HDAC9: variants seen among roughly 807,000 people sequenced by gnomAD.
HDAC9 encodes MEF-2 interacting transcription repressor (MITR) protein.
HDAC9 carries 41 observed loss-of-function variants against 139.4 expected under a neutral mutation model. That is an observed-to-expected ratio of 0.29 (90% CI 0.23 to 0.38). The LOEUF (loss-of-function observed/expected upper bound fraction) is 0.38, where lower values mean the gene tolerates loss of function less well. HDAC9 is among the 10% of genes least tolerant of loss of function. The pLI, the probability that HDAC9 is intolerant of heterozygous loss-of-function variation, is 1.00. For synonymous variants in HDAC9, 517 were observed against 476.2 expected, an observed-to-expected ratio of 1.09 and a Z score of -1.12; for missense variants, 1,147 against 1,297.0, an observed-to-expected ratio of 0.88 and a Z score of 1.78.
chr7:18,490,997 A>T (rs1796322714), upstream of HDAC9, among the ~76,000 whole-genome samples: 1 of 152,138 alleles, frequency 6.6e-6, no homozygotes, highest in South Asian at 2.1e-4. Flanking sequence ...TTGTTAATAC[A>T]TGAAAAGTCT....
At chr7:18,326,958 A>G (rs1201800947) in intron 1 of HDAC9, among the ~76,000 whole-genome samples, 2 of 151,854 alleles carry the variant, frequency 1.3e-5, no homozygotes, top group Non-Finnish European at 2.9e-5. Context: ...CATCATTATG[A>G]TTTTGGATGC....
intron 12 of HDAC9, among the ~76,000 whole-genome samples, chr7:18,727,154 G>C (rs1043103318): frequency 6.6e-6 from 1 of 152,224 alleles, no homozygotes; most frequent in Non-Finnish European, 1.5e-5. Flanking sequence ...AAATTCAGGA[G>C]AGAATTTTCA....
At chr7:18,895,273 A>G (rs61271785) in intron 22 of HDAC9, among the ~76,000 whole-genome samples, 3,052 of 152,274 alleles carry the variant, frequency 0.02, 127 homozygotes, top group African/African-American at 0.07. Flanking sequence ...GAGTTAGAGT[A>G]AAAGAGACAA....
chr7:18,462,074 G>T (rs1202936980), intron 1 of HDAC9, among the ~76,000 whole-genome samples: 1 of 151,588 alleles, frequency 6.6e-6, no homozygotes, highest in African/African-American at 2.4e-5. Flanking sequence ...CCTTTAAATA[G>T]TTATAAAACT....
At chr7:18,595,994 A>G (rs1832372452) in intron 6 of HDAC9, among the ~76,000 whole-genome samples, 1 of 152,070 alleles carries the variant, frequency 6.6e-6, no homozygotes, top group South Asian at 2.1e-4. Context: ...TATATGTTAC[A>G]AACCCTATTT....
At chr7:18,715,382 T>A (rs1784627212) in intron 12 of HDAC9, among the ~76,000 whole-genome samples, 1 of 152,186 alleles carries the variant, frequency 6.6e-6, no homozygotes, top group Admixed American at 6.5e-5. Context: ...AATTGGCTCC[T>A]AGTTCAATGA....
intron 21 of HDAC9, among the ~76,000 whole-genome samples, chr7:18,838,840 T>A (rs1796404361): frequency 6.6e-6 from 1 of 152,012 alleles, no homozygotes. Context: ...CCTGTGAAGC[T>A]ACATTTATAG....
intron 1 of HDAC9, among the ~76,000 whole-genome samples, chr7:18,150,387 G>A (rs933510231): frequency 1.3e-5 from 2 of 152,158 alleles, no homozygotes; most frequent in Non-Finnish European, 2.9e-5. Context: ...GTCTGAAACT[G>A]ATGTCCAGAG....
intron 1 of HDAC9, among the ~76,000 whole-genome samples, chr7:18,449,731 T>G (rs1175443886): frequency 2.0e-5 from 3 of 152,190 alleles, no homozygotes; most frequent in Admixed American, 1.3e-4. Context: ...ACTGAAAATT[T>G]TATTAAAGAT....
At chr7:18,407,862 C>G (rs1788161276) in intron 1 of HDAC9, among the ~76,000 whole-genome samples, 1 of 152,106 alleles carries the variant, frequency 6.6e-6, no homozygotes, top group Non-Finnish European at 1.5e-5. Context: ...AAATGTCTTT[C>G]AGTAGGTTAG....
chr7:18,177,041 A>G (rs777718173), intron 2 of HDAC9, among the ~76,000 whole-genome samples: 6 of 152,242 alleles, frequency 3.9e-5, no homozygotes, highest in Non-Finnish European at 7.3e-5. Context: ...ATGTCAAAGT[A>G]GACATTGTAT....
At chr7:18,443,077 C>G (rs1791938274) in intron 1 of HDAC9, among the ~76,000 whole-genome samples, 1 of 152,200 alleles carries the variant, frequency 6.6e-6, no homozygotes, top group Non-Finnish European at 1.5e-5. Flanking sequence ...ATAGTAGTCT[C>G]TGCCCTGATA....
intron 2 of HDAC9, among the ~76,000 whole-genome samples, chr7:18,211,070 A>T (rs1233465747): frequency 1.3e-5 from 2 of 152,230 alleles, no homozygotes; most frequent in Non-Finnish European, 2.9e-5. Flanking sequence ...ACTCAGAAGC[A>T]TGTGATTATA....
At chr7:18,869,736 A>C (rs1476272571) in intron 21 of HDAC9, among the ~76,000 whole-genome samples, 1 of 152,154 alleles carries the variant, frequency 6.6e-6, no homozygotes, top group Non-Finnish European at 1.5e-5. Flanking sequence ...TCTGTATTGA[A>C]GATTATTGTG....
intron 21 of HDAC9, among the ~76,000 whole-genome samples, chr7:18,869,147 G>GGGGTGTGT (rs869054896): frequency 4.3e-5 from 6 of 138,128 alleles, no homozygotes; most frequent in African/African-American, 1.7e-4. Context: ...TCACAATTGG[G>GGGGTGTGT]GTGTGTGTGT....
Position 18,156,853 on chromosome 7 carries a change from G to C in HDAC9, c.-96-5376G>C, listed in dbSNP as rs893639079. ...AAGAATTCAAGATACGGCTGGGTGT[G>C]GTGGCTCACACCTGTAATCCCAGCA... On this transcript the variant is annotated intron_variant, in intron 1 of 12. Coordinates refer to the HDAC9 transcript ENST00000417496. 2.0e-5 allele frequency among the ~76,000 whole-genome samples: 3 copies of C among 152,258 alleles called. No individual in the cohort carries two copies. The South Asian group carries it at 6.2e-4, about 32-fold the overall frequency.
At chr7:18,454,449 A>G (rs566683651) in intron 1 of HDAC9, among the ~76,000 whole-genome samples, 1 of 152,202 alleles carries the variant, frequency 6.6e-6, no homozygotes, top group South Asian at 2.1e-4. Context: ...ACTGTGGCTC[A>G]GAAAATTTAA....
intron 2 of HDAC9, among the ~76,000 whole-genome samples, chr7:18,582,411 G>A (rs2128787643): frequency 6.6e-6 from 1 of 152,132 alleles, no homozygotes; most frequent in African/African-American, 2.4e-5. Context: ...GATAAGGGCT[G>A]GAATTTTTGT....
At chr7:18,859,856 A>ATATATG (rs1554381815) in intron 21 of HDAC9, among the ~76,000 whole-genome samples, 36 of 117,254 alleles carry the variant, frequency 3.1e-4, no homozygotes, top group South Asian at 5.6e-4. Flanking sequence ...ATATATATAT[A>ATATATG]TATGTGAGAG....
Sources: allele counts gnomAD v4.1 joint callset (sites outside exome capture counted in the v4.1 genomes callset), GRCh38; gene constraint gnomAD v4.1.1; transcripts MANE v1.5; gene names NCBI Gene and HGNC (gene_info 2026-07-23, HGNC 2026-07-21).